RAB27B: variants seen among roughly 807,000 people sequenced by gnomAD.
RAB27B encodes ras-related protein Rab-27B.
A neutral mutation model predicts 24.6 loss-of-function variants in RAB27B; 15 were observed. The observed-to-expected ratio is 0.61, with a 90% CI of 0.41 to 0.94. RAB27B has a LOEUF of 0.94. RAB27B is among the 40% of genes least tolerant of loss of function. The pLI is 0.00. For synonymous variants in RAB27B, 105 were observed against 92.5 expected, an observed-to-expected ratio of 1.14 and a Z score of -0.78; for missense variants, 261 against 266.8, an observed-to-expected ratio of 0.98 and a Z score of 0.15.
intron 2 of RAB27B, among the ~76,000 whole-genome samples, chr18:54,790,657 T>A (rs913964114): frequency 6.6e-6 from 1 of 152,186 alleles, no homozygotes; most frequent in African/African-American, 2.4e-5. Flanking sequence ...GGTGTGCACA[T>A]TCTCAATATG....
intron 1 of RAB27B, among the ~76,000 whole-genome samples, chr18:54,832,658 T>G (rs1910730384): frequency 6.6e-6 from 1 of 152,080 alleles, no homozygotes; most frequent in South Asian, 2.1e-4. Flanking sequence ...TTTGGGACCT[T>G]GTATGGGAGG....
intron 1 of RAB27B, among the ~76,000 whole-genome samples, chr18:54,874,536 T>C (rs1905663317): frequency 1.3e-5 from 2 of 149,904 alleles, no homozygotes; most frequent in East Asian, 4.0e-4. Flanking sequence ...CTTGAGACTG[T>C]CACGCATTCA....
chr18:54,750,961 G>A (rs2145031653), intron 2 of RAB27B, among the ~76,000 whole-genome samples: 2 of 152,252 alleles, frequency 1.3e-5, no homozygotes, highest in South Asian at 4.1e-4. Context: ...TACTTCTGGG[G>A]AATTGAGTTC....
At chr18:54,804,262 C>A (rs1335669852) in intron 2 of RAB27B, among the ~76,000 whole-genome samples, 1 of 152,164 alleles carries the variant, frequency 6.6e-6, no homozygotes, top group Non-Finnish European at 1.5e-5. Context: ...TTGACTGTGT[C>A]CTCACCAAAT....
intron 4 of RAB27B, among the ~76,000 whole-genome samples, chr18:54,887,487 A>G (rs955727570): frequency 1.3e-5 from 2 of 152,138 alleles, no homozygotes; most frequent in Non-Finnish European, 2.9e-5. Context: ...TATTATTAGA[A>G]GAAATCCCCT....
chr18:54,783,550 CTTG>C (rs1263200530), intron 2 of RAB27B, among the ~76,000 whole-genome samples: 1 of 151,000 alleles, frequency 6.6e-6, no homozygotes, highest in African/African-American at 2.4e-5. Flanking sequence ...CTTTAGATTT[CTTG>C]TTGTCATGTC....
intron 1 of RAB27B, among the ~76,000 whole-genome samples, chr18:54,848,585 C>A (rs778513060): frequency 6.6e-6 from 1 of 151,962 alleles, no homozygotes; most frequent in Non-Finnish European, 1.5e-5. Flanking sequence ...GAAGAGTAAA[C>A]AAAAATTTGA....
At chr18:54,837,796 A>G (rs11874213) in intron 1 of RAB27B, among the ~76,000 whole-genome samples, 5,010 of 152,262 alleles carry the variant, frequency 0.033, 135 homozygotes, top group Admixed American at 0.077. Context: ...GTGTGTATAT[A>G]TATGTATTTA....
intron 2 of RAB27B, among the ~76,000 whole-genome samples, chr18:54,801,626 A>C (rs1374849318): frequency 6.6e-6 from 1 of 152,092 alleles, no homozygotes; most frequent in African/African-American, 2.4e-5. Context: ...GGGCTTGGGA[A>C]GTTGTCCAGT....
At chr18:54,805,287 G>C (rs1909756729) in intron 2 of RAB27B, among the ~76,000 whole-genome samples, 1 of 152,104 alleles carries the variant, frequency 6.6e-6, no homozygotes, top group African/African-American at 2.4e-5. Flanking sequence ...GGTCACTGTG[G>C]CATTCATCCG....
chr18:54,730,660 C>G (rs1236807563), intron 2 of RAB27B, among the ~76,000 whole-genome samples: 4 of 151,884 alleles, frequency 2.6e-5, no homozygotes, highest in African/African-American at 9.7e-5. Context: ...GTTGATGGAG[C>G]CTGACTCCTC....
At chr18:54,886,039 T>TGCCTCCCACTAGGCCCC (rs1913122561) in intron 4 of RAB27B, 1 of 152,216 alleles carries the variant, frequency 6.6e-6, no homozygotes, top group Non-Finnish European at 1.5e-5. Context: ...AGGATCCAGT[T>TGCCTCCCACTAGGCCCC]GCCTCCCACT....
chr18:54,787,164 T>C (rs1025998331), intron 2 of RAB27B, among the ~76,000 whole-genome samples: 8 of 152,212 alleles, frequency 5.3e-5, no homozygotes, highest in Non-Finnish European at 8.8e-5. Flanking sequence ...TTCTCCGAGG[T>C]TGGCTCCATG....
intron 4 of RAB27B, among the ~76,000 whole-genome samples, chr18:54,885,254 T>C (rs1390632055): frequency 1.3e-5 from 2 of 152,194 alleles, no homozygotes; most frequent in Non-Finnish European, 2.9e-5. Flanking sequence ...CTCTTATCAT[T>C]TCCAGATTTG....
rs1790441907 is a variant in RAB27B at position 54,891,773 on chromosome 18, T to C, written c.*2360T>C. On this transcript the variant is annotated 3_prime_UTR_variant, in exon 6 of 6. Coordinates refer to ENST00000262094, the MANE Select transcript of RAB27B (RefSeq NM_004163.4). ...GGTCTGTTTTAAGATCATTATTTGA[T>C]AGCTGTAGCATGAAGCAGAGGTTGA... The C allele has an allele frequency of 6.6e-6, 1 of 152,142 alleles. No homozygotes were observed. The allele number at this position is 152,142 out of a possible 1,614,324, so 9.4% of individuals were successfully genotyped here.
intron 5 of RAB27B, among the ~76,000 whole-genome samples, chr18:54,888,510 C>T (rs1342763766): frequency 6.6e-6 from 1 of 152,066 alleles, no homozygotes. Context: ...CTCTTAAACA[C>T]TGTATTCTTC....
chr18:54,758,988 A>G (rs1416623893), intron 2 of RAB27B, among the ~76,000 whole-genome samples: 1 of 152,202 alleles, frequency 6.6e-6, no homozygotes, highest in Non-Finnish European at 1.5e-5. Flanking sequence ...CCCAATTTCT[A>G]TTATTATATT....
intron 1 of RAB27B, among the ~76,000 whole-genome samples, chr18:54,851,183 T>C (rs1911572904): frequency 6.6e-6 from 1 of 152,220 alleles, no homozygotes; most frequent in Non-Finnish European, 1.5e-5. Flanking sequence ...CAAACTTCTA[T>C]TGGTTTGGTT....
intron 1 of RAB27B, among the ~76,000 whole-genome samples, chr18:54,830,902 T>C (rs1199057521): frequency 6.6e-6 from 1 of 152,248 alleles, no homozygotes; most frequent in Non-Finnish European, 1.5e-5. Flanking sequence ...TTTGTCTTTT[T>C]AACTAAACAA....
Sources: gnomAD v4.1 joint callset for allele counts (sites outside exome capture counted in the v4.1 genomes callset) on GRCh38, gnomAD v4.1.1 for gene constraint, MANE v1.5 for transcripts, NCBI Gene and HGNC (gene_info 2026-07-23, HGNC 2026-07-21) for gene names.